OR56A3: variants seen among roughly 807,000 people sequenced by gnomAD.
The protein encoded by OR56A3 is olfactory receptor 56A3.
Under a neutral mutation model 17.5 loss-of-function variants are expected in OR56A3, and 23 were observed. That is an observed-to-expected ratio of 1.32 (90% CI 0.95 to 1.87). The LOEUF is 1.87. Ranked by LOEUF, OR56A3 falls within the 40% of genes most tolerant of loss-of-function variation. OR56A3 has a pLI of 0.00. For missense variants in OR56A3, 366 were observed against 380.1 expected (o/e 0.96, Z 0.31); for synonymous variants, 175 against 150.6 (o/e 1.16, Z -1.19).
rs917497662 is a variant in OR56A3, at chr11:5,950,146, A to C, written c.*1852A>C. 5 of 152,340 alleles carry C rather than the reference A, an allele frequency of 3.3e-5. No individual in the cohort carries two copies. The highest frequency in any genetic ancestry group is 1.2e-4 in the African/African-American group (5 of 41,584). 9.4% of individuals were successfully genotyped at this position (152,340 alleles called of 1,614,324 possible). A position where few individuals can be genotyped will look rare whatever the true frequency, so the allele number is the denominator to read the frequency against. On this transcript the variant is annotated 3_prime_UTR_variant, in exon 3 of 3. Transcript: ENST00000641160. The stretch of plus-strand genomic sequence containing the variant: ...AAATATTAAAAATCTGAAAGTTTTA[A>C]CAATATGCTATATTAACATATACTT...
chr11:5,973,845 A>G, the OR56A3 span, among the ~76,000 whole-genome samples: 1 of 152,154 alleles, frequency 6.6e-6, no homozygotes, highest in Admixed American at 6.5e-5. Context: ...ATATGGAGGG[A>G]CAAGATTGGG....
the OR56A3 span, chr11:5,967,913 G>A: frequency 2.5e-6 from 4 of 1,593,048 alleles, no homozygotes; most frequent in African/African-American, 1.3e-5. Flanking sequence ...TCAAGGTGAT[G>A]TCATCACAAG....
At chr11:5,973,326 T>C in the OR56A3 span, among the ~76,000 whole-genome samples, 1,672 of 152,300 alleles carry the variant, frequency 0.011, 16 homozygotes, top group South Asian at 0.024. Context: ...TTTCCTAATA[T>C]GGACTACTGA....
chr11:5,949,715 C>T lies in OR56A3; in HGVS notation c.*1421C>T, dbSNP rs916264486. The T allele has an allele frequency of 6.6e-6, 1 of 152,082 alleles. No homozygotes were observed. The highest frequency in any genetic ancestry group is 1.5e-5 in the Non-Finnish European group (1 of 68,020). 9.4% of individuals were successfully genotyped at this position (152,082 alleles called of 1,614,324 possible). A position where few individuals can be genotyped will look rare whatever the true frequency, so the allele number is the denominator to read the frequency against. ...AAAGCATCTGAGATTAAGCCCTGTC[C>T]TACTCAAGCAGAATTCCGCAGAGCT... is the stretch of plus-strand genomic sequence containing the variant. On this transcript the variant is annotated 3_prime_UTR_variant, in exon 3 of 3. Coordinates refer to ENST00000641160, the MANE Select transcript of OR56A3 (RefSeq NM_001003443.3).
the OR56A3 span, chr11:6,002,520 A>G: frequency 6.2e-7 from 1 of 1,614,220 alleles, no homozygotes; most frequent in Non-Finnish European, 8.5e-7. Context: ...AGGAAGAGAA[A>G]CAAAGGCATT....
chr11:5,945,152 G>T (rs753659778), intron 2 of OR56A3, 70 bp downstream of exon 2: 1 of 152,144 alleles, frequency 6.6e-6, no homozygotes, highest in Non-Finnish European at 1.5e-5. Flanking sequence ...TTCCTTCCTT[G>T]TCACCCTGTC....
chr11:5,971,523 C>T, the OR56A3 span, among the ~76,000 whole-genome samples: 1 of 152,150 alleles, frequency 6.6e-6, no homozygotes, highest in East Asian at 1.9e-4. Flanking sequence ...AATTCCTCCT[C>T]TGCTACCTGG....
chr11:6,006,700 A>C, the OR56A3 span, among the ~76,000 whole-genome samples: 1 of 152,206 alleles, frequency 6.6e-6, no homozygotes, highest in Non-Finnish European at 1.5e-5. Flanking sequence ...TTCAGTCTAC[A>C]AGCCATGAAA....
the OR56A3 span, chr11:5,993,795 C>T: frequency 3.7e-6 from 1 of 272,110 alleles, no homozygotes; most frequent in Non-Finnish European, 7.3e-6. Flanking sequence ...ATCACTTTAA[C>T]ATGTAACCAA....
At chr11:5,966,308 A>T in the OR56A3 span, among the ~76,000 whole-genome samples, 1 of 151,880 alleles carries the variant, frequency 6.6e-6, no homozygotes, top group Non-Finnish European at 1.5e-5. Context: ...TGGGAGACAG[A>T]GGTTGCAGTG....
At position 5,950,151 on chromosome 11, in the gene OR56A3, A is replaced by T. The variant is rs140172750; in HGVS notation, c.*1857A>T. ...TTAAAAATCTGAAAGTTTTAACAAT[A>T]TGCTATATTAACATATACTTATCAA... On this transcript the variant is annotated 3_prime_UTR_variant, in exon 3 of 3. Coordinates refer to ENST00000641160, the MANE Select transcript of OR56A3 (RefSeq NM_001003443.3). The T allele has an allele frequency of 6.6e-6, 1 of 152,334 alleles. No homozygotes were observed. Among genetic ancestry groups the T allele is most frequent in the African/African-American group, 2.4e-5 (1 of 41,588 alleles). 9.4% of individuals were successfully genotyped at this position (152,334 alleles called of 1,614,324 possible).
At chr11:6,012,694 G>A in the OR56A3 span, among the ~76,000 whole-genome samples, 23 of 152,258 alleles carry the variant, frequency 1.5e-4, no homozygotes, top group African/African-American at 5.5e-4. Flanking sequence ...CCCAGAAAAG[G>A]CACCACAAGT....
At chr11:5,994,571 T>G in the OR56A3 span, 8 of 938,886 alleles carry the variant, frequency 8.5e-6, no homozygotes, top group Non-Finnish European at 1.4e-5. Flanking sequence ...TGTCTCCAGC[T>G]GCAGCCGAGT....
the OR56A3 span, among the ~76,000 whole-genome samples, chr11:5,966,034 T>C: frequency 6.6e-6 from 1 of 151,848 alleles, no homozygotes; most frequent in Non-Finnish European, 1.5e-5. Flanking sequence ...GGAGGGAAGA[T>C]AGAAATCAAA....
chr11:5,947,991 CATCCTT>C lies in OR56A3; in HGVS notation c.649_654del (p.Leu217_Ile218del), dbSNP rs766906053. On this transcript the variant is annotated inframe_deletion, in exon 3 of 3. Transcript: ENST00000641160. ...GCTGGACTCTGCTAGGATCTGACCT[CATCCTT>C]ATCTTCCTCTCCTACACCTTCATTC... 6.2e-7 allele frequency: 1 copy of C among 1,614,198 alleles called. No individual in the cohort carries two copies. Among genetic ancestry groups the C allele is most frequent in the Admixed American group, 1.7e-5 (1 of 60,026 alleles).
At chr11:5,968,152 A>G in the OR56A3 span, 1 of 1,614,138 alleles carries the variant, frequency 6.2e-7, no homozygotes, top group Non-Finnish European at 8.5e-7. Context: ...AATGTGCAGG[A>G]CTCCATAGTC....
At chr11:5,991,469 C>A in the OR56A3 span, among the ~76,000 whole-genome samples, 14 of 152,212 alleles carry the variant, frequency 9.2e-5, no homozygotes, top group African/African-American at 3.1e-4. Flanking sequence ...GCCTCCATGT[C>A]CACTAGCATC....
At chr11:5,965,723 C>G in the OR56A3 span, among the ~76,000 whole-genome samples, 3 of 152,044 alleles carry the variant, frequency 2.0e-5, no homozygotes, top group Admixed American at 2.0e-4. Flanking sequence ...AATCTACTAC[C>G]AAAGGGAGAT....
the OR56A3 span, among the ~76,000 whole-genome samples, chr11:6,010,612 C>A: frequency 1.3e-5 from 2 of 152,158 alleles, no homozygotes; most frequent in Non-Finnish European, 2.9e-5. Flanking sequence ...GGATTTCCTA[C>A]CCATCAGAAG....
Sources: gnomAD v4.1 joint callset for allele counts (sites outside exome capture counted in the v4.1 genomes callset) on GRCh38, gnomAD v4.1.1 for gene constraint, MANE v1.5 for transcripts, NCBI Gene and HGNC (gene_info 2026-07-23, HGNC 2026-07-21) for gene names.